Variants in RNLS observed in about 807,000 individuals in gnomAD.
The protein encoded by RNLS is renalase.
Under a neutral mutation model 39.8 loss-of-function variants are expected in RNLS, and 39 were observed. The observed-to-expected ratio is 0.98, with a 90% CI of 0.76 to 1.28. The LOEUF is 1.28. Ranked by LOEUF, RNLS falls within the 50% of genes most tolerant of loss-of-function variation. The probability of loss-of-function intolerance (pLI) is 0.00; values close to 1 mark genes in which losing one functional copy is unlikely to be tolerated. For missense variants in RNLS, 410 were observed against 413.3 expected (o/e 0.99, Z 0.07); for synonymous variants, 147 against 150.7 (o/e 0.98, Z 0.18).
At chr10:88,280,148 T>A (rs754215148), downstream of RNLS, among the ~76,000 whole-genome samples, 1 of 152,172 alleles carries the variant, frequency 6.6e-6, no homozygotes, top group Non-Finnish European at 1.5e-5. Flanking sequence ...ATTGTTATTA[T>A]TTACTAAGTA....
intron 4 of RNLS, among the ~76,000 whole-genome samples, chr10:88,375,233 C>A (rs4934397): frequency 0.066 from 10,084 of 152,050 alleles, 475 homozygotes; most frequent in Admixed American, 0.13. Context: ...AACAAAAAAA[C>A]CCCAAAATAA....
At chr10:88,412,788 G>A (rs1853762239) in intron 4 of RNLS, among the ~76,000 whole-genome samples, 1 of 152,120 alleles carries the variant, frequency 6.6e-6, no homozygotes, top group South Asian at 2.1e-4. Context: ...GCTTTCTATA[G>A]ATTGTGTCTC....
chr10:88,179,122 A>G, the RNLS span, among the ~76,000 whole-genome samples: 1 of 152,356 alleles, frequency 6.6e-6, no homozygotes, highest in Non-Finnish European at 1.5e-5. Flanking sequence ...CACAATAAAT[A>G]AATTATGTGG....
intron 6 of RNLS, among the ~76,000 whole-genome samples, chr10:88,288,903 C>G (rs1457013145): frequency 6.6e-6 from 1 of 152,170 alleles, no homozygotes; most frequent in Non-Finnish European, 1.5e-5. Flanking sequence ...AGTGGAGGAG[C>G]ACGTAATTGT....
intron 4 of RNLS, among the ~76,000 whole-genome samples, chr10:88,460,128 G>C (rs891081134): frequency 6.6e-6 from 1 of 152,128 alleles, no homozygotes; most frequent in Non-Finnish European, 1.5e-5. Flanking sequence ...CTAAGGCTCA[G>C]GTAGGTAAGA....
At chr10:88,380,107 A>G (rs1345033128) in intron 4 of RNLS, among the ~76,000 whole-genome samples, 1 of 152,126 alleles carries the variant, frequency 6.6e-6, no homozygotes, top group Admixed American at 6.5e-5. Context: ...TGCAATAAAA[A>G]ATTGCAACAA....
At chr10:88,553,141 T>C (rs962715557) in intron 4 of RNLS, among the ~76,000 whole-genome samples, 3 of 152,216 alleles carry the variant, frequency 2.0e-5, no homozygotes, top group African/African-American at 4.8e-5. Flanking sequence ...ATGTATTTCT[T>C]AAGCAATGGA....
chr10:88,233,185 C>T, the RNLS span, among the ~76,000 whole-genome samples: 4 of 152,154 alleles, frequency 2.6e-5, no homozygotes, highest in Non-Finnish European at 5.9e-5. Context: ...AAGCAATTAG[C>T]GAAAGCAGCT....
intron 3 of RNLS, among the ~76,000 whole-genome samples, chr10:88,575,266 A>ATGTGTG (rs113818151): frequency 7.0e-6 from 1 of 142,606 alleles, no homozygotes; most frequent in Non-Finnish European, 1.5e-5. Flanking sequence ...GTATATGTAT[A>ATGTGTG]TGTGTGTGTG....
chr10:88,396,152 T>C (rs1005519498), intron 4 of RNLS, among the ~76,000 whole-genome samples: 2 of 151,962 alleles, frequency 1.3e-5, no homozygotes, highest in African/African-American at 4.8e-5. Flanking sequence ...TATGAAGAAA[T>C]AAAGAAAACT....
exon 7 of RNLS, chr10:88,274,457 G>A (rs1350426273): frequency 6.5e-6 from 1 of 153,072 alleles, no homozygotes; most frequent in African/African-American, 2.4e-5. Context: ...ATTATTTTTT[G>A]TGATAGGCTT....
At chr10:88,186,533 A>G in the RNLS span, among the ~76,000 whole-genome samples, 4 of 152,216 alleles carry the variant, frequency 2.6e-5, no homozygotes, top group Non-Finnish European at 4.4e-5. Flanking sequence ...TTATGGCATG[A>G]AAGTGCTTGG....
the RNLS span, among the ~76,000 whole-genome samples, chr10:88,233,810 T>C: frequency 2.0e-5 from 3 of 152,106 alleles, no homozygotes; most frequent in Non-Finnish European, 2.9e-5. Context: ...TTCTGGAAGA[T>C]GCATGCTTAT....
intron 4 of RNLS, among the ~76,000 whole-genome samples, chr10:88,420,462 T>C (rs1271796401): frequency 2.0e-5 from 3 of 152,190 alleles, no homozygotes; most frequent in Non-Finnish European, 4.4e-5. Flanking sequence ...TGTTGTAGGG[T>C]CATACTCCTT....
At chr10:88,187,558 TG>T in the RNLS span, among the ~76,000 whole-genome samples, 3 of 152,334 alleles carry the variant, frequency 2.0e-5, no homozygotes, top group Non-Finnish European at 2.9e-5. Flanking sequence ...TCTGTTGTCA[TG>T]GTGGCCTTGA....
Position 88,515,241 on chromosome 10 carries a change from T to C in RNLS, c.526+57662A>G, listed in dbSNP as rs368923507. On this transcript the variant is annotated intron_variant, in intron 4 of 6. Transcript: ENST00000331772. ...TTAATATGACTTATTTTTCCAAGCATAAATTTATTTTTATATAAATTTATT... is the reference window on the plus strand; with the variant it reads ...TTAATATGACTTATTTTTCCAAGCACAAATTTATTTTTATATAAATTTATT... 8.5e-5 allele frequency among the ~76,000 whole-genome samples: 13 copies of C among 152,230 alleles called. No individual in the cohort carries two copies. The South Asian group carries it at 2.7e-3, about 32-fold the overall frequency.
At chr10:88,391,597 A>C in intron 4 of RNLS, among the ~76,000 whole-genome samples, 1 of 152,260 alleles carries the variant, frequency 6.6e-6, no homozygotes, top group East Asian at 1.9e-4. Flanking sequence ...TTATCCATGA[A>C]TTTCATTTTA....
the RNLS span, among the ~76,000 whole-genome samples, chr10:88,247,096 A>G: frequency 6.6e-6 from 1 of 152,178 alleles, no homozygotes; most frequent in African/African-American, 2.4e-5. Flanking sequence ...ACAAGCTGAA[A>G]GAAGGTGAGA....
the RNLS span, among the ~76,000 whole-genome samples, chr10:88,217,470 C>T: frequency 6.6e-6 from 1 of 152,124 alleles, no homozygotes; most frequent in Admixed American, 6.5e-5. Flanking sequence ...AAGTGATCCT[C>T]ACTCTAGGAG....
Sources: gnomAD v4.1 joint callset for allele counts (sites outside exome capture counted in the v4.1 genomes callset) on GRCh38, gnomAD v4.1.1 for gene constraint, MANE v1.5 for transcripts, NCBI Gene and HGNC (gene_info 2026-07-23, HGNC 2026-07-21) for gene names.